The following TBCD variants were observed in gnomAD, a reference collection of about 807,000 sequenced individuals.
The protein encoded by TBCD is tubulin-specific chaperone D.
TBCD carries 105 observed loss-of-function variants against 169.3 expected under a neutral mutation model. That is an observed-to-expected ratio of 0.62 (90% CI 0.53 to 0.73). The LOEUF is 0.73. Ranked by LOEUF, TBCD falls within the 30% of genes least tolerant of loss-of-function variation. The pLI is 0.00. For synonymous variants in TBCD, 700 were observed against 643.9 expected (o/e 1.09, Z -1.32); for missense variants, 1,444 against 1,600.1 (o/e 0.90, Z 1.66).
At chr17:82,919,153 G>A (rs967619565) in intron 23 of TBCD, among the ~76,000 whole-genome samples, 19 of 152,116 alleles carry the variant, frequency 1.2e-4, no homozygotes, top group Non-Finnish European at 2.1e-4. Context: ...AGTCTCGCCC[G>A]GCGCTTCCTT....
chr17:82,765,702 C>T lies in TBCD; in HGVS notation c.334-565C>T, dbSNP rs140788757. Among the ~76,000 whole-genome samples the T allele has an allele frequency of 2.0e-4, 30 of 152,236 alleles. 1 individual carries two copies. The East Asian group carries it at 5.4e-3, about 27-fold the overall frequency. On this transcript the variant is annotated intron_variant, in intron 3 of 38. Coordinates refer to ENST00000355528, the MANE Select transcript of TBCD (RefSeq NM_005993.5). ...CAGGGAAGTGTTAATGAATTTGGGC[C>T]CTTGCGGTTTGTAGGCACTTATTCC...
intron 13 of TBCD, among the ~76,000 whole-genome samples, chr17:82,820,377 T>A (rs1030111677): frequency 6.6e-6 from 1 of 152,244 alleles, no homozygotes; most frequent in Admixed American, 6.5e-5. Flanking sequence ...AGTGTTCTGA[T>A]CTCTTTGGAC....
intron 17 of TBCD, among the ~76,000 whole-genome samples, chr17:82,899,690 T>TATAA (rs953897047): frequency 2.0e-5 from 3 of 152,264 alleles, no homozygotes; most frequent in African/African-American, 7.2e-5. Context: ...TTTAACTTTA[T>TATAA]GAGAAACTGC....
chr17:82,930,771 AC>A lies in TBCD; in HGVS notation c.3113+130del. The A allele has an allele frequency of 7.0e-7, 1 of 1,428,704 alleles. No individual in the cohort carries two copies. Among genetic ancestry groups the A allele is most frequent in the South Asian group, 1.3e-5 (1 of 75,178 alleles). The allele number at this position is 1,428,704 out of a possible 1,614,324, so 88.5% of individuals were successfully genotyped here. ...AAGGGAGAAGCGAGACACACGCTGTACCAGTTGGTGGCTCAGCGAGGAAGAT... is the reference window on the plus strand; with the variant it reads ...AAGGGAGAAGCGAGACACACGCTGTACAGTTGGTGGCTCAGCGAGGAAGAT... On this transcript the variant is annotated intron_variant, in intron 33 of 38. Coordinates refer to ENST00000355528, the MANE Select transcript of TBCD (RefSeq NM_005993.5). This position sits in a 1 kb window ranked among gnomAD's most constrained non-coding sequence, Gnocchi z 5.2.
At chr17:82,804,015 G>A (rs1237957782) in intron 9 of TBCD, among the ~76,000 whole-genome samples, 7 of 143,000 alleles carry the variant, frequency 4.9e-5, no homozygotes, top group African/African-American at 1.6e-4. Flanking sequence ...GGGCCGGGGT[G>A]CACCTGCCTG....
chr17:82,877,409 G>C (rs920471201), intron 14 of TBCD, among the ~76,000 whole-genome samples: 1 of 152,060 alleles, frequency 6.6e-6, no homozygotes, highest in South Asian at 2.1e-4. Flanking sequence ...GCAGTGGTGC[G>C]ATCTTGGCTC....
intron 23 of TBCD, among the ~76,000 whole-genome samples, chr17:82,912,557 C>T: frequency 6.6e-6 from 1 of 152,254 alleles, no homozygotes; most frequent in Non-Finnish European, 1.5e-5. Flanking sequence ...CCACCCTCAG[C>T]CCCTCGCTGT....
At chr17:82,853,695 G>A (rs878946517) in intron 13 of TBCD, among the ~76,000 whole-genome samples, 1 of 151,982 alleles carries the variant, frequency 6.6e-6, no homozygotes, top group African/African-American at 2.4e-5. Context: ...ATGAGCCACT[G>A]TTAATGGCCC....
In TBCD at chr17:82,889,803, T is replaced by G. The variant is rs1262242576; in HGVS notation, c.1563+106T>G. 3.1e-6 allele frequency: 4 copies of G among 1,307,890 alleles called. No individual in the cohort carries two copies. The African/African-American group carries it at 4.4e-5, about 14-fold the overall frequency. The allele number at this position is 1,307,890 out of a possible 1,614,324, so 81.0% of individuals were successfully genotyped here. On this transcript the variant is annotated intron_variant, in intron 16 of 38. Coordinates refer to ENST00000355528, the MANE Select transcript of TBCD (RefSeq NM_005993.5). This position sits in a 1 kb window ranked among gnomAD's most constrained non-coding sequence, Gnocchi z 5.3. Reference sequence around the variant, plus strand: ...TGTCTTCTCGCACTGTGAGATGTGGTGTGGCTACATCAATGCCAGGGTCAT... The same window carrying G: ...TGTCTTCTCGCACTGTGAGATGTGGGGTGGCTACATCAATGCCAGGGTCAT...
chr17:82,912,013 G>C (rs960849881), intron 23 of TBCD, among the ~76,000 whole-genome samples: 1 of 152,242 alleles, frequency 6.6e-6, no homozygotes, highest in Admixed American at 6.5e-5. Flanking sequence ...GAAGTTGTGA[G>C]CTGGGAGGGG....
chr17:82,823,407 C>A (rs1193405792), intron 13 of TBCD, among the ~76,000 whole-genome samples: 1 of 152,224 alleles, frequency 6.6e-6, no homozygotes, highest in African/African-American at 2.4e-5. Context: ...TTCAGGTTTT[C>A]AGGAAAATGC....
chr17:82,858,713 C>T, intron 13 of TBCD: 2 of 949,046 alleles, frequency 2.1e-6, no homozygotes, highest in Non-Finnish European at 2.5e-6. Flanking sequence ...TATTTTCTGA[C>T]CCTCCTGTGG....
Position 82,928,019 on chromosome 17 carries a change from C to G in TBCD, c.2693+31C>G, listed in dbSNP as rs183848810. ...TGTCACGTCGCAGCTCTTCTGCATC[C>G]TAGAGGGCAGCCCCGAGCTTGGGGA... is the stretch of plus-strand genomic sequence containing the variant. On this transcript the variant is annotated intron_variant, in intron 30 of 38. Transcript: ENST00000355528. 703 of 1,596,774 alleles carry G rather than the reference C, an allele frequency of 4.4e-4. 1 individual carries two copies. In the African/African-American group the frequency reaches 8.0e-3, roughly 18 times the overall value.
chr17:82,931,524 G>T lies in TBCD; in HGVS notation c.3113+881G>T, dbSNP rs971397933. On this transcript the variant is annotated intron_variant, in intron 33 of 38. Coordinates refer to ENST00000355528, the MANE Select transcript of TBCD (RefSeq NM_005993.5). ...TGCCGGTCGCTCATTCCGCCTTGCC[G>T]TTCGCTCATTCCTCCTTGCTGACCA... Among the ~76,000 whole-genome samples, 3 of 146,990 alleles carry T rather than the reference G, an allele frequency of 2.0e-5. No homozygotes were observed. The South Asian group carries it at 6.2e-4, about 30-fold the overall frequency.
intron 7 of TBCD, among the ~76,000 whole-genome samples, chr17:82,790,731 C>T (rs1229362134): frequency 6.6e-6 from 1 of 152,200 alleles, no homozygotes; most frequent in Non-Finnish European, 1.5e-5. Context: ...CCTTCCTTGC[C>T]TCTATGTGTC....
intron 5 of TBCD, among the ~76,000 whole-genome samples, chr17:82,768,998 C>T (rs2048167543): frequency 6.6e-6 from 1 of 152,182 alleles, no homozygotes; most frequent in African/African-American, 2.4e-5. Context: ...TTTCTCCGAA[C>T]TTTTCCTGAT....
At chr17:82,793,039 A>G (rs2049859818) in intron 7 of TBCD, among the ~76,000 whole-genome samples, 1 of 152,160 alleles carries the variant, frequency 6.6e-6, no homozygotes, top group South Asian at 2.1e-4. Flanking sequence ...CTCGGATTCT[A>G]GGTGTGAGCC....
At chr17:82,763,938 G>GTATATGTT (rs2047900565) in intron 2 of TBCD, 27 bp from the exon 3 acceptor site, 2 of 1,596,588 alleles carry the variant, frequency 1.3e-6, no homozygotes, top group East Asian at 4.5e-5. Context: ...CACTTTTACA[G>GTATATGTT]TAAATGTTTC....
chr17:82,775,498 G>T (rs1478617370), intron 6 of TBCD, among the ~76,000 whole-genome samples: 1 of 152,042 alleles, frequency 6.6e-6, no homozygotes, highest in Non-Finnish European at 1.5e-5. Flanking sequence ...TGCAGTACAG[G>T]TTCGTTTTCT....
Sources: allele counts gnomAD v4.1 joint callset (sites outside exome capture counted in the v4.1 genomes callset), GRCh38; gene constraint gnomAD v4.1.1; non-coding constraint Gnocchi (gnomAD v3.1); transcripts MANE v1.5; gene names NCBI Gene and HGNC (gene_info 2026-07-23, HGNC 2026-07-21).